Variants in KSR2 observed in about 807,000 individuals in gnomAD.
KSR2 encodes the protein kinase suppressor of ras 2.
In KSR2, 25 loss-of-function variants were observed where a neutral mutation model predicts 107.8. That is an observed-to-expected ratio of 0.23 (90% CI 0.17 to 0.32). KSR2 has a LOEUF of 0.32. Among genes scored for constraint, KSR2 ranks in the 10% least tolerant of loss-of-function variants. The pLI, the probability that KSR2 is intolerant of heterozygous loss-of-function variation, is 1.00. For missense variants in KSR2, 887 were observed against 1,268.9 expected (o/e 0.70, Z 4.57); for synonymous variants, 480 against 507.0 (o/e 0.95, Z 0.71).
At chr12:117,928,959 T>C (rs146467014) in intron 1 of KSR2, among the ~76,000 whole-genome samples, 331 of 152,284 alleles carry the variant, frequency 2.2e-3, no homozygotes, top group Non-Finnish European at 3.6e-3. Context: ...GCTGACACTG[T>C]CATCTCAAAA....
At chr12:117,768,255 G>A (rs1332774037) in intron 3 of KSR2, among the ~76,000 whole-genome samples, 2 of 152,212 alleles carry the variant, frequency 1.3e-5, no homozygotes, top group African/African-American at 2.4e-5. Flanking sequence ...TGGAGGCCAA[G>A]CATCTGCCCA....
At chr12:117,912,596 A>G (rs1895048605) in intron 1 of KSR2, among the ~76,000 whole-genome samples, 1 of 152,234 alleles carries the variant, frequency 6.6e-6, no homozygotes, top group African/African-American at 2.4e-5. Flanking sequence ...ATGAAAAGGA[A>G]GATGCAAAGT....
intron 5 of KSR2, among the ~76,000 whole-genome samples, chr12:117,592,095 C>G (rs913085160): frequency 6.6e-6 from 1 of 151,340 alleles, no homozygotes; most frequent in Non-Finnish European, 1.5e-5. Flanking sequence ...TTCACATACT[C>G]ACCCTCAAAA....
At chr12:117,883,894 A>C (rs985708490) in intron 1 of KSR2, among the ~76,000 whole-genome samples, 1 of 147,792 alleles carries the variant, frequency 6.8e-6, no homozygotes, top group Non-Finnish European at 1.5e-5. Context: ...AAAAAAAAAA[A>C]GGAAATGAGG....
chr12:117,694,072 A>G (rs1023469700), intron 4 of KSR2, among the ~76,000 whole-genome samples: 1 of 152,158 alleles, frequency 6.6e-6, no homozygotes, highest in Non-Finnish European at 1.5e-5. Context: ...GAGGTGGAGA[A>G]ACAGGAACCC....
chr12:117,968,305 A>AGGGGG lies in KSR2; in HGVS notation c.-51_-50insCCCCC, dbSNP rs10651702. Reference sequence around the variant, plus strand: ...CTCCTCCTCCTCCCAGAGAGAAAAAAGAGGGGGGGGAGTAGAGGTAGTCTA... The same window carrying AGGGGG: ...CTCCTCCTCCTCCCAGAGAGAAAAAAGGGGGGAGGGGGGGGAGTAGAGGTAGTCTA... On this transcript the variant is annotated 5_prime_UTR_variant, in exon 1 of 20. Coordinates refer to ENST00000339824, the MANE Select transcript of KSR2 (RefSeq NM_173598.6). The AGGGGG allele has an allele frequency of 5.6e-5, 62 of 1,112,058 alleles. 2 individuals are homozygous for AGGGGG. The highest frequency in any genetic ancestry group is 6.4e-5 in the Non-Finnish European group (55 of 859,752). 68.9% of individuals were successfully genotyped at this position (1,112,058 alleles called of 1,614,324 possible).
chr12:117,819,580 A>G (rs974866720), intron 3 of KSR2, among the ~76,000 whole-genome samples: 1 of 152,228 alleles, frequency 6.6e-6, no homozygotes, highest in African/African-American at 2.4e-5. Context: ...AGCTGATTAA[A>G]TGTTGATTAT....
intron 1 of KSR2, among the ~76,000 whole-genome samples, chr12:117,875,433 A>T (rs1207163458): frequency 6.6e-6 from 1 of 151,746 alleles, no homozygotes; most frequent in Non-Finnish European, 1.5e-5. Context: ...CCCTTGCAAG[A>T]ACCATCCCTG....
At chr12:117,590,430 T>A (rs905928317) in intron 5 of KSR2, among the ~76,000 whole-genome samples, 22 of 152,210 alleles carry the variant, frequency 1.4e-4, no homozygotes, top group African/African-American at 4.6e-4. Context: ...CTTACTTTTC[T>A]GAGGCTCGGT....
intron 3 of KSR2, among the ~76,000 whole-genome samples, chr12:117,818,254 C>T (rs1875506317): frequency 6.6e-6 from 1 of 152,242 alleles, no homozygotes; most frequent in South Asian, 2.1e-4. Flanking sequence ...AGATTTCCTA[C>T]CCCACTGATC....
chr12:117,774,887 C>T (rs1182267247), intron 3 of KSR2, among the ~76,000 whole-genome samples: 4 of 152,164 alleles, frequency 2.6e-5, no homozygotes, highest in African/African-American at 7.2e-5. Context: ...TTGCCTATTC[C>T]AGCTATTTTA....
At chr12:117,853,767 C>T (rs1055761796) in intron 3 of KSR2, among the ~76,000 whole-genome samples, 1 of 152,136 alleles carries the variant, frequency 6.6e-6, no homozygotes, top group African/African-American at 2.4e-5. Context: ...GTCAGCCACA[C>T]TCATGTTGGG....
At chr12:117,527,472 T>C (rs1207037626) in intron 12 of KSR2, among the ~76,000 whole-genome samples, 1 of 152,210 alleles carries the variant, frequency 6.6e-6, no homozygotes, top group Non-Finnish European at 1.5e-5. Context: ...TTCTTATAAA[T>C]TGGCCTAAAT....
intron 5 of KSR2, among the ~76,000 whole-genome samples, chr12:117,605,867 G>T (rs1342873649): frequency 6.6e-6 from 1 of 152,234 alleles, no homozygotes; most frequent in Middle Eastern, 3.4e-3. Flanking sequence ...GCAAACTAAC[G>T]CAGGAAGAGA....
intron 18 of KSR2, among the ~76,000 whole-genome samples, chr12:117,470,547 A>G (rs1259593350): frequency 6.6e-6 from 1 of 152,250 alleles, no homozygotes; most frequent in Non-Finnish European, 1.5e-5. Context: ...TTCTCTCAAG[A>G]GAAGGGATAA....
chr12:117,640,360 C>G (rs1883301477), intron 5 of KSR2, among the ~76,000 whole-genome samples: 1 of 152,226 alleles, frequency 6.6e-6, no homozygotes, highest in Middle Eastern at 3.4e-3. Flanking sequence ...AAGTGACTCT[C>G]CCACCTCAGC....
At chr12:117,803,784 C>T (rs1239908154) in intron 3 of KSR2, among the ~76,000 whole-genome samples, 1 of 152,122 alleles carries the variant, frequency 6.6e-6, no homozygotes, top group African/African-American at 2.4e-5. Flanking sequence ...TCCGGCCATG[C>T]ATTTAATCCT....
At chr12:117,467,826 C>T (rs899002073) in intron 19 of KSR2, 3 of 333,486 alleles carry the variant, frequency 9.0e-6, no homozygotes, top group Non-Finnish European at 1.7e-5. Flanking sequence ...TACACATAGG[C>T]TGAATAAAAA....
At position 117,667,990 on chromosome 12, in the gene KSR2, C is replaced by T. The variant is rs139109285; in HGVS notation, c.987-332G>A. 7.1e-3 allele frequency among the ~76,000 whole-genome samples: 1,076 copies of T among 152,272 alleles called. 15 individuals are homozygous for T. Among genetic ancestry groups the T allele is most frequent in the African/African-American group, 0.025 (1,019 of 41,560 alleles). Reference sequence around the variant, plus strand: ...TCCCGCAACTTTTGCCTAAACATCTCGAGTCTCCAGAGCTCCAAGCCCCCA... The same window carrying T: ...TCCCGCAACTTTTGCCTAAACATCTTGAGTCTCCAGAGCTCCAAGCCCCCA... On this transcript the variant is annotated intron_variant, in intron 4 of 19. Transcript: ENST00000339824.
Sources: gnomAD v4.1 joint callset for allele counts (sites outside exome capture counted in the v4.1 genomes callset) on GRCh38, gnomAD v4.1.1 for gene constraint, MANE v1.5 for transcripts, NCBI Gene and HGNC (gene_info 2026-07-23, HGNC 2026-07-21) for gene names.